ANKS6: variants seen among roughly 807,000 people sequenced by gnomAD.
The protein encoded by ANKS6 is ankyrin repeat and sterile alpha motif domain containing 6.
In ANKS6, 47 loss-of-function variants were observed where a neutral mutation model predicts 77.9. The observed-to-expected ratio is 0.60, with a 90% confidence interval of 0.48 to 0.77. The LOEUF (loss-of-function observed/expected upper bound fraction) is 0.77. ANKS6 is among the 30% of genes least tolerant of loss of function. The probability of loss-of-function intolerance (pLI) is 0.00; values close to 1 mark genes in which losing one functional copy is unlikely to be tolerated. For missense variants in ANKS6, 1,150 were observed against 1,159.1 expected, an observed-to-expected ratio of 0.99 and a Z score of 0.11; for synonymous variants, 488 against 501.7, an observed-to-expected ratio of 0.97 and a Z score of 0.37.
intron 13 of ANKS6, among the ~76,000 whole-genome samples, chr9:98,746,753 C>T (rs1324802278): frequency 1.3e-5 from 2 of 152,168 alleles, no homozygotes; most frequent in African/African-American, 2.4e-5. Flanking sequence ...AGGGCAGTAG[C>T]CCCCTTGTTA....
chr9:98,762,426 C>T (rs1833065838), intron 11 of ANKS6, among the ~76,000 whole-genome samples: 1 of 152,032 alleles, frequency 6.6e-6, no homozygotes, highest in African/African-American at 2.4e-5. Flanking sequence ...ATTTTTCTTG[C>T]CTTATTGTAC....
chr9:98,767,571 GCA>G (rs963515410), intron 11 of ANKS6, among the ~76,000 whole-genome samples: 8 of 152,200 alleles, frequency 5.3e-5, no homozygotes, highest in African/African-American at 1.7e-4. Flanking sequence ...GCTGTGCCAG[GCA>G]CAGAGCAGAT....
chr9:98,745,958 C>T (rs1832105349), intron 13 of ANKS6: 1 of 412,558 alleles, frequency 2.4e-6, no homozygotes, highest in South Asian at 3.1e-5. Flanking sequence ...ATCTGGGTGG[C>T]TAGAATAGGA....
Position 98,733,793 on chromosome 9 carries a change from A to C in ANKS6, c.*2726T>G. On this transcript the variant is annotated 3_prime_UTR_variant, in exon 15 of 15. Transcript: ENST00000353234. The stretch of plus-strand genomic sequence containing the variant: ...GCTTTAGTGTCTGCCAAACCTACTC[A>C]ACCAGGGAACCTCACCCCACTTTCA... 1.0e-6 allele frequency: 1 copy of C among 985,464 alleles called. No individual in the cohort carries two copies. 61.0% of individuals were successfully genotyped at this position (985,464 alleles called of 1,614,324 possible). A position where few individuals can be genotyped will look rare whatever the true frequency, so the allele number is the denominator to read the frequency against.
rs1437860441 is a variant in ANKS6 at position 98,773,930 on chromosome 9, G to A, written c.1768C>T (p.Leu590=). 1 of 1,598,358 alleles carries A rather than the reference G, an allele frequency of 6.3e-7. No individual in the cohort carries two copies. The highest frequency in any genetic ancestry group is 1.7e-5 in the Admixed American group (1 of 58,704). The change falls in exon 9 of 15, where the codon CTG becomes TTG. Residue 590 remains leucine, a synonymous_variant. Coordinates refer to ENST00000353234, the MANE Select transcript of ANKS6 (RefSeq NM_173551.5). ...TGGCCCCTGCTGGCTCTCTGGGGCA[G>A]CGCAGTCTTCATGGGGTCTGCCTTC... is the stretch of plus-strand genomic sequence containing the variant. ...NGKADPMKTA[L]PQRASRGHPV...
rs1279553485 is a variant in ANKS6 at position 98,791,117 on chromosome 9, T to A, written c.360-511A>T. Reference sequence around the variant, plus strand: ...TGAATGCCGCTGCCCTTGCTTTTTCTCTTACACCATGCTGCCTCCTACATT... The same window carrying A: ...TGAATGCCGCTGCCCTTGCTTTTTCACTTACACCATGCTGCCTCCTACATT... On this transcript the variant is annotated intron_variant, in intron 1 of 14. Coordinates refer to ENST00000353234, the MANE Select transcript of ANKS6 (RefSeq NM_173551.5). The surrounding 1 kb of genome is among the most constrained non-coding windows in gnomAD (Gnocchi z 4.3). Among the ~76,000 whole-genome samples the A allele has an allele frequency of 6.6e-6, 1 of 152,236 alleles. No homozygotes were observed. The highest frequency in any genetic ancestry group is 1.5e-5 in the Non-Finnish European group (1 of 68,040).
At chr9:98,794,778 C>T (rs983275047) in intron 1 of ANKS6, among the ~76,000 whole-genome samples, 7 of 152,156 alleles carry the variant, frequency 4.6e-5, no homozygotes, top group Non-Finnish European at 8.8e-5. Flanking sequence ...ACACATAACA[C>T]ATCAGTGGCT....
At chr9:98,796,053 C>G in intron 1 of ANKS6, 80 bp downstream of exon 1, 1 of 1,239,998 alleles carries the variant, frequency 8.1e-7, no homozygotes. Flanking sequence ...CCTCCCGGGG[C>G]ATCCGGCCGC....
chr9:98,792,643 T>C (rs1326247273), intron 1 of ANKS6, among the ~76,000 whole-genome samples: 1 of 152,160 alleles, frequency 6.6e-6, no homozygotes. Context: ...TCTAGCATAA[T>C]CCCTAACAGC....
chr9:98,790,132 G>C lies in ANKS6; in HGVS notation c.834C>G (p.Asp278Glu). The change falls in exon 2 of 15, where the codon GAC (aspartate) becomes GAG (glutamate). Residue 278 changes from aspartate (D) to glutamate (E), a missense_variant. Physicochemically the swap from Asp to Glu is conservative, Grantham distance 45. Transcript: ENST00000353234. ...TTTTGGGCCTGACGGTGGTCAGCGG[G>C]TCCAGGTAGTCTACAAGGTCCCTGT... ...CKHRDLVDYL[D>E]PLTTVRPKTD... 6.3e-7 allele frequency: 1 copy of C among 1,576,964 alleles called. No homozygotes were observed. The highest frequency in any genetic ancestry group is 1.1e-5 in the South Asian group (1 of 87,338).
chr9:98,775,921 G>A (rs892083120), intron 8 of ANKS6, among the ~76,000 whole-genome samples: 33 of 152,230 alleles, frequency 2.2e-4, no homozygotes, highest in Admixed American at 3.9e-4. Flanking sequence ...GGGTGGCAGG[G>A]AGCCGTGGGC....
At position 98,790,349 on chromosome 9, in the gene ANKS6, A is replaced by G; in HGVS notation, c.617T>C (p.Val206Ala). The G allele has an allele frequency of 6.2e-7, 1 of 1,613,048 alleles. No homozygotes were observed. Among genetic ancestry groups the G allele is most frequent in the Non-Finnish European group, 8.5e-7 (1 of 1,179,802 alleles). The change falls in exon 2 of 15, where the codon GTG becomes GCG. Residue 206 changes from valine to alanine, a missense_variant. Val to Ala is a moderately conservative substitution (Grantham distance 64). Transcript: ENST00000353234. ...MAAIQHGHEA[V>A]VRLLMEWGAD... is the part of the protein sequence containing the mutation. ...GCCCCACTCCATCAGTAGACGCACC[A>G]CGGCCTCGTGCCCGTGCTGGATGGC... is the stretch of plus-strand genomic sequence containing the variant.
At chr9:98,774,957 C>T (rs373962967) in intron 8 of ANKS6, among the ~76,000 whole-genome samples, 96 of 152,340 alleles carry the variant, frequency 6.3e-4, no homozygotes, top group African/African-American at 2.1e-3. Context: ...AGCCGGGCCA[C>T]CCCACCCATT....
At chr9:98,745,369 G>A (rs189671273) in intron 14 of ANKS6, among the ~76,000 whole-genome samples, 190 bp downstream of exon 14, 56 of 152,336 alleles carry the variant, frequency 3.7e-4, no homozygotes, top group Admixed American at 2.1e-3. Flanking sequence ...GGTTACCTGA[G>A]CGAAGATTTC....
At chr9:98,750,753 C>T (rs961136784) in intron 13 of ANKS6, among the ~76,000 whole-genome samples, 14 of 152,136 alleles carry the variant, frequency 9.2e-5, no homozygotes, top group Non-Finnish European at 1.8e-4. Context: ...GCCAGTCAAT[C>T]ACACACAACA....
chr9:98,769,246 C>G (rs768890282), intron 10 of ANKS6, among the ~76,000 whole-genome samples: 1 of 152,076 alleles, frequency 6.6e-6, no homozygotes, highest in South Asian at 2.1e-4. Context: ...ATGTGCCAGG[C>G]GCTGCTGTAA....
chr9:98,753,185 A>G (rs1256804546), intron 12 of ANKS6, among the ~76,000 whole-genome samples: 1 of 152,294 alleles, frequency 6.6e-6, no homozygotes. Context: ...CATATAGCCA[A>G]TTGATTCTCA....
chr9:98,768,844 A>C (rs2118016686), intron 10 of ANKS6, among the ~76,000 whole-genome samples: 1 of 152,314 alleles, frequency 6.6e-6, no homozygotes, highest in African/African-American at 2.4e-5. Flanking sequence ...TTATAAAATA[A>C]AGGGGCCGGG....
In ANKS6 at chr9:98,778,375, T is replaced by C; in HGVS notation, c.1418A>G (p.Gln473Arg). ...GCTGGACAGCCCACGGGGCAGCGTCTGCATCAGTTTGAGCTTTCGGAACCG... is the reference window on the plus strand; with the variant it reads ...GCTGGACAGCCCACGGGGCAGCGTCCGCATCAGTTTGAGCTTTCGGAACCG... ...SNRFRKLKLM[Q>R]TLPRGLSSNQ... Residue 473 changes from glutamine to arginine, a missense_variant, in exon 7 of 15, where the codon CAG (glutamine) becomes CGG (arginine). Physicochemically the swap from Gln to Arg is conservative, Grantham distance 43. Coordinates refer to ENST00000353234, the MANE Select transcript of ANKS6 (RefSeq NM_173551.5). 1.2e-6 allele frequency: 2 copies of C among 1,614,172 alleles called. No homozygotes were observed. Among genetic ancestry groups the C allele is most frequent in the Non-Finnish European group, 1.7e-6 (2 of 1,180,026 alleles).
Sources: gnomAD v4.1 joint callset for allele counts (sites outside exome capture counted in the v4.1 genomes callset) on GRCh38, gnomAD v4.1.1 for gene constraint, Gnocchi (gnomAD v3.1) non-coding constraint, MANE v1.5 for transcripts, NCBI Gene and HGNC (gene_info 2026-07-23, HGNC 2026-07-21) for gene names.